ENOSF1: variants seen among roughly 807,000 people sequenced by gnomAD.
The protein encoded by ENOSF1 is mitochondrial enolase superfamily member 1.
ENOSF1 carries 73 observed loss-of-function variants against 68.2 expected under a neutral mutation model. That is an observed-to-expected ratio of 1.07 (90% CI 0.89 to 1.30). The LOEUF is 1.30. ENOSF1 is among the 50% of genes most tolerant of loss of function. ENOSF1 has a pLI of 0.00. For missense variants in ENOSF1, 589 were observed against 554.5 expected, an observed-to-expected ratio of 1.06 and a Z score of -0.62; for synonymous variants, 223 against 210.4, an observed-to-expected ratio of 1.06 and a Z score of -0.52.
intron 4 of ENOSF1, 96 bp downstream of exon 4, chr18:694,152 T>A (rs1598702305): frequency 1.5e-6 from 2 of 1,297,810 alleles, no homozygotes; most frequent in Non-Finnish European, 2.2e-6. Context: ...TATTTCCTTT[T>A]GGGGGCTGCA....
intron 12 of ENOSF1, 181 bp downstream of exon 12, chr18:678,515 A>C (rs902423607): frequency 1.4e-5 from 8 of 589,830 alleles, no homozygotes; most frequent in Admixed American, 3.1e-5. Flanking sequence ...AAATAGCCAC[A>C]AACTTTTTCT....
In ENOSF1 at chr18:690,723, C is replaced by CCAGCTGTTTCCCCTGGAGAGTG. The variant is rs759375245; in HGVS notation, c.536-93_536-92insCACTCTCCAGGGGAAACAGCTG. 3.8e-6 allele frequency: 6 copies of CCAGCTGTTTCCCCTGGAGAGTG among 1,565,768 alleles called. No individual in the cohort carries two copies. In the South Asian group the frequency reaches 5.8e-5, roughly 15 times the overall value. On this transcript the variant is annotated intron_variant, in intron 7 of 15. Coordinates refer to ENST00000647584, the MANE Select transcript of ENOSF1 (RefSeq NM_017512.7). ...AGCTAAGCTGTTTCCCCTGGAGAGTCCAGCTGTTCTCCTGATCCGGCCCTG... is the reference window on the plus strand; with the variant it reads ...AGCTAAGCTGTTTCCCCTGGAGAGTCCAGCTGTTTCCCCTGGAGAGTGCAGCTGTTCTCCTGATCCGGCCCTG...
chr18:701,641 C>T (rs778029100), intron 2 of ENOSF1, among the ~76,000 whole-genome samples: 1 of 151,736 alleles, frequency 6.6e-6, no homozygotes, highest in Non-Finnish European at 1.5e-5. Flanking sequence ...GCCTGTAGTC[C>T]AGCTACTGGA....
At chr18:694,675 C>T (rs1240912094) in intron 3 of ENOSF1, among the ~76,000 whole-genome samples, 6 of 151,504 alleles carry the variant, frequency 4.0e-5, no homozygotes, top group African/African-American at 1.5e-4. Context: ...GGTCTTCCGT[C>T]CAGGGACACA....
Position 686,055 on chromosome 18 carries a change from G to A in ENOSF1, c.654-47C>T, listed in dbSNP as rs144201410. The A allele has an allele frequency of 2.3e-5, 32 of 1,396,150 alleles. 1 individual carries two copies. The East Asian group carries it at 7.1e-4, about 31-fold the overall frequency. 86.5% of individuals were successfully genotyped at this position (1,396,150 alleles called of 1,614,324 possible). On this transcript the variant is annotated intron_variant, in intron 9 of 15. Coordinates refer to ENST00000647584, the MANE Select transcript of ENOSF1 (RefSeq NM_017512.7). ...CTAGTTTAGACCTGTACCTGGACTTGGCAAGGGCATCTGGAGTTTCTGCAG... is the reference window on the plus strand; with the variant it reads ...CTAGTTTAGACCTGTACCTGGACTTAGCAAGGGCATCTGGAGTTTCTGCAG...
Position 672,903 on chromosome 18 carries a change from G to T in ENOSF1, c.*1402C>A. 2 of 1,597,958 alleles carry T rather than the reference G, an allele frequency of 1.3e-6. No homozygotes were observed. The highest frequency in any genetic ancestry group is 1.7e-6 in the Non-Finnish European group (2 of 1,167,368). ...CCTTTCCCAAAGCTCAGGATTCTTCGAAAAGTTGAGAAAATTGATGACTTC... is the reference window on the plus strand; with the variant it reads ...CCTTTCCCAAAGCTCAGGATTCTTCTAAAAGTTGAGAAAATTGATGACTTC... On this transcript the variant is annotated 3_prime_UTR_variant, in exon 16 of 16. Coordinates refer to ENST00000647584, the MANE Select transcript of ENOSF1 (RefSeq NM_017512.7).
At chr18:698,901 C>G (rs2078028736) in intron 2 of ENOSF1, among the ~76,000 whole-genome samples, 1 of 152,036 alleles carries the variant, frequency 6.6e-6, no homozygotes, top group Non-Finnish European at 1.5e-5. Flanking sequence ...GGATTACAGG[C>G]CTGAGACACT....
chr18:668,888 TCA>T (rs1191262856), downstream of ENOSF1, among the ~76,000 whole-genome samples: 2 of 148,994 alleles, frequency 1.3e-5, no homozygotes, highest in Non-Finnish European at 1.5e-5. Context: ...GAGCCAGGAG[TCA>T]GACAGGGCCT....
At position 672,763 on chromosome 18, in the gene ENOSF1, T is replaced by C. The variant is rs2075127398; in HGVS notation, c.*1542A>G. ...ATCATACTCCTGTAAAATAGAACTTTGTTGATCACATCCTGTGTACTTGTT... is the reference window on the plus strand; with the variant it reads ...ATCATACTCCTGTAAAATAGAACTTCGTTGATCACATCCTGTGTACTTGTT... On this transcript the variant is annotated 3_prime_UTR_variant, in exon 16 of 16. Transcript: ENST00000647584. The C allele has an allele frequency of 1.5e-6, 2 of 1,356,356 alleles. No individual in the cohort carries two copies. The highest frequency in any genetic ancestry group is 4.3e-5 in the Admixed American group (2 of 46,486). The allele number at this position is 1,356,356 out of a possible 1,614,324, so 84.0% of individuals were successfully genotyped here. A position where few individuals can be genotyped will look rare whatever the true frequency, so the allele number is the denominator to read the frequency against.
chr18:668,546 T>G (rs942917203), downstream of ENOSF1, among the ~76,000 whole-genome samples: 1 of 152,162 alleles, frequency 6.6e-6, no homozygotes, highest in East Asian at 1.9e-4. Context: ...AAAGTAATTT[T>G]AGGTGGAAGT....
At chr18:690,949 AGG>A in intron 7 of ENOSF1, 117 bp downstream of exon 7, 1 of 1,256,130 alleles carries the variant, frequency 8.0e-7, no homozygotes, top group Non-Finnish European at 1.1e-6. Context: ...TGTTGATTTG[AGG>A]GCCTAGCTGC....
At position 677,748 on chromosome 18, in the gene ENOSF1, A is replaced by G. The variant is rs2075658996; in HGVS notation, c.1043T>C (p.Phe348Ser). The G allele has an allele frequency of 4.3e-6, 7 of 1,612,590 alleles. No homozygotes were observed. Among genetic ancestry groups the G allele is most frequent in the African/African-American group, 1.3e-5 (1 of 74,852 alleles). Residue 348 changes from phenylalanine to serine, a missense_variant, in exon 13 of 16, where the codon TTT becomes TCT. Transcript: ENST00000647584. Reference sequence around the variant, plus strand: ...AGCCGCTGCAGCACGCTTACTTTCAAACTTTTTGGCCATCAGCAATACTGA... The same window carrying G: ...AGCCGCTGCAGCACGCTTACTTTCAGACTTTTTGGCCATCAGCAATACTGA... Reference protein sequence around the residue: ...NLSVLLMAKKFEIPVCPHAGG... With the variant: ...NLSVLLMAKKSEIPVCPHAGG...
chr18:672,099 T>G lies in ENOSF1; in HGVS notation c.*2206A>C, dbSNP rs1450254428. 1.3e-5 allele frequency: 2 copies of G among 152,258 alleles called. No individual in the cohort carries two copies. The highest frequency in any genetic ancestry group is 2.9e-5 in the Non-Finnish European group (2 of 68,062). 9.4% of individuals were successfully genotyped at this position (152,258 alleles called of 1,614,324 possible). A position where few individuals can be genotyped will look rare whatever the true frequency, so the allele number is the denominator to read the frequency against. On this transcript the variant is annotated 3_prime_UTR_variant, in exon 16 of 16. Transcript: ENST00000647584. ...TGGCCATAAATATTTTTTGTTAATT[T>G]TACATTAAGTACAATATTTAGGTCC...
intron 5 of ENOSF1, chr18:692,687 G>C: frequency 1.1e-5 from 11 of 990,390 alleles, no homozygotes; most frequent in Non-Finnish European, 1.3e-5. Context: ...AGGGTCCACA[G>C]GTGGGACCTC....
downstream of ENOSF1, among the ~76,000 whole-genome samples, chr18:668,223 G>A (rs762421486): frequency 1.3e-5 from 2 of 150,646 alleles, no homozygotes; most frequent in Non-Finnish European, 3.0e-5. Flanking sequence ...CACTACCAAG[G>A]TTCATCTTTT....
downstream of ENOSF1, among the ~76,000 whole-genome samples, chr18:667,239 AGATGGT>A (rs1264608229): frequency 2.3e-3 from 31 of 13,436 alleles, no homozygotes; most frequent in South Asian, 6.3e-3. Context: ...ATGGAGATGG[AGATGGT>A]GATGGTGATG....
At chr18:679,787 T>G (rs1215870988) in intron 11 of ENOSF1, among the ~76,000 whole-genome samples, 2 of 152,108 alleles carry the variant, frequency 1.3e-5, no homozygotes, top group African/African-American at 2.4e-5. Context: ...TCCTCTACTG[T>G]GACTGCGACT....
intron 2 of ENOSF1, among the ~76,000 whole-genome samples, chr18:703,228 G>A (rs2078562382): frequency 6.6e-6 from 1 of 152,048 alleles, no homozygotes; most frequent in Non-Finnish European, 1.5e-5. Context: ...GGCTGGGAAT[G>A]GAGGAGGAGA....
rs147623551 is a variant in ENOSF1 at position 690,559 on chromosome 18, G to C, written c.608C>G (p.Thr203Arg). 6.2e-7 allele frequency: 1 copy of C among 1,614,108 alleles called. No homozygotes were observed. Among genetic ancestry groups the C allele is most frequent in the Non-Finnish European group, 8.5e-7 (1 of 1,180,028 alleles). Residue 203 changes from threonine (T) to arginine (R), a missense_variant, in exon 8 of 16, where the codon ACG becomes AGG. Physicochemically the swap from Thr to Arg is moderately conservative, Grantham distance 71. Coordinates refer to ENST00000647584, the MANE Select transcript of ENOSF1 (RefSeq NM_017512.7). Reference protein sequence around the residue: ...SCAWLGYSDDTLKQLCAQALK... With the variant: ...SCAWLGYSDDRLKQLCAQALK... ...GGTTAAAATGCCCACCTGCTTCAAC[G>C]TGTCATCTGAGTACCCCAGCCAGGC...
Sources: gnomAD v4.1 joint callset for allele counts (sites outside exome capture counted in the v4.1 genomes callset) on GRCh38, gnomAD v4.1.1 for gene constraint, MANE v1.5 for transcripts, NCBI Gene and HGNC (gene_info 2026-07-23, HGNC 2026-07-21) for gene names.